STXBP5L: variants seen among roughly 807,000 people sequenced by gnomAD.
STXBP5L encodes syntaxin binding protein 5L.
Under a neutral mutation model 144.5 loss-of-function variants are expected in STXBP5L, and 65 were observed. The ratio of observed to expected loss-of-function variants is 0.45; its 90% CI spans 0.37 to 0.55. The LOEUF is 0.55. Among genes scored for constraint, STXBP5L ranks in the 20% least tolerant of loss-of-function variants. The pLI is 0.00. For synonymous variants in STXBP5L, 505 were observed against 469.6 expected, an observed-to-expected ratio of 1.08 and a Z score of -0.97; for missense variants, 1,298 against 1,405.5, an observed-to-expected ratio of 0.92 and a Z score of 1.22.
At chr3:121,182,798 A>G (rs1439657801) in intron 9 of STXBP5L, among the ~76,000 whole-genome samples, 3 of 152,244 alleles carry the variant, frequency 2.0e-5, no homozygotes, top group Non-Finnish European at 2.9e-5. Context: ...AAGCTGAATT[A>G]GAAATGAAAG....
At chr3:121,368,418 C>T (rs927462457) in intron 20 of STXBP5L, among the ~76,000 whole-genome samples, 3 of 151,882 alleles carry the variant, frequency 2.0e-5, no homozygotes, top group African/African-American at 7.3e-5. Flanking sequence ...GTTCTTTAAG[C>T]ATCATTAAGA....
intron 9 of STXBP5L, among the ~76,000 whole-genome samples, chr3:121,193,174 C>T (rs570618858): frequency 7.0e-6 from 1 of 142,934 alleles, no homozygotes; most frequent in Admixed American, 6.9e-5. Flanking sequence ...TATGAACAGA[C>T]ACTTCTCAAA....
chr3:121,359,435 T>C (rs1267818988), intron 20 of STXBP5L, among the ~76,000 whole-genome samples: 1 of 152,162 alleles, frequency 6.6e-6, no homozygotes, highest in Non-Finnish European at 1.5e-5. Context: ...TTGTATCCTT[T>C]GCTGTGCTGA....
intron 5 of STXBP5L, among the ~76,000 whole-genome samples, chr3:121,080,179 A>G (rs2042191277): frequency 6.6e-6 from 1 of 152,102 alleles, no homozygotes; most frequent in South Asian, 2.1e-4. Context: ...GGCATGGAAC[A>G]TGTTTCCAGC....
intron 3 of STXBP5L, among the ~76,000 whole-genome samples, chr3:120,979,267 C>G (rs1429617409): frequency 1.3e-5 from 2 of 152,224 alleles, no homozygotes; most frequent in African/African-American, 4.8e-5. Context: ...GCCCCTCCCC[C>G]AGCCTCACTG....
chr3:121,156,738 T>C (rs969149828), intron 8 of STXBP5L, among the ~76,000 whole-genome samples: 5 of 151,744 alleles, frequency 3.3e-5, no homozygotes, highest in African/African-American at 1.2e-4. Context: ...TTTAAAACAA[T>C]ATAATAATTT....
intron 5 of STXBP5L, among the ~76,000 whole-genome samples, chr3:121,102,262 T>C (rs1439368900): frequency 6.6e-6 from 1 of 152,126 alleles, no homozygotes; most frequent in Non-Finnish European, 1.5e-5. Context: ...AAATCAGTCC[T>C]AAGCAAAAAG....
chr3:121,230,667 T>C (rs2049277241), intron 11 of STXBP5L, among the ~76,000 whole-genome samples: 1 of 152,124 alleles, frequency 6.6e-6, no homozygotes, highest in Non-Finnish European at 1.5e-5. Flanking sequence ...TTTGGTACCA[T>C]AGACAAATAC....
chr3:121,196,470 G>A (rs575428521), intron 9 of STXBP5L, among the ~76,000 whole-genome samples: 1 of 151,896 alleles, frequency 6.6e-6, no homozygotes, highest in Non-Finnish European at 1.5e-5. Context: ...AAAAACGGAG[G>A]TCTTTCCTTT....
In STXBP5L at chr3:121,131,976, A is replaced by G. The variant is rs548358906; in HGVS notation, c.669+10272A>G. 3.3e-5 allele frequency among the ~76,000 whole-genome samples: 5 copies of G among 152,276 alleles called. No individual in the cohort carries two copies. In the East Asian group the frequency reaches 9.7e-4, roughly 29 times the overall value. On this transcript the variant is annotated intron_variant, in intron 7 of 26. Transcript: ENST00000471454. ...AACCTTGCTCCTGGTGCAGTGCCATATGGTCAAGGAGAGATTTCCTAGGTT... is the reference window on the plus strand; with the variant it reads ...AACCTTGCTCCTGGTGCAGTGCCATGTGGTCAAGGAGAGATTTCCTAGGTT...
intron 22 of STXBP5L, among the ~76,000 whole-genome samples, chr3:121,391,909 C>T (rs2046597820): frequency 6.6e-6 from 1 of 152,184 alleles, no homozygotes; most frequent in African/African-American, 2.4e-5. Context: ...GCTCAAACAC[C>T]ATGCTGGGAG....
intron 20 of STXBP5L, among the ~76,000 whole-genome samples, chr3:121,347,004 GT>G: frequency 6.6e-6 from 1 of 152,310 alleles, no homozygotes; most frequent in African/African-American, 2.4e-5. Context: ...TGCTTTTGGT[GT>G]TTTAGACATG....
At chr3:121,151,505 AGGTCTCAGGATGCTCT>A (rs948415508) in intron 7 of STXBP5L, among the ~76,000 whole-genome samples, 1 of 152,132 alleles carries the variant, frequency 6.6e-6, no homozygotes, top group African/African-American at 2.4e-5. Context: ...ATAAGTGATA[AGGTCTCAGGATGCTCT>A]GCAGGCTTAG....
In STXBP5L at chr3:121,279,801, T is replaced by G; in HGVS notation, c.1959-4T>G. 6.2e-7 allele frequency: 1 copy of G among 1,611,774 alleles called. No individual in the cohort carries two copies. The highest frequency in any genetic ancestry group is 8.5e-7 in the Non-Finnish European group (1 of 1,178,416). ...ATTCTAGTTGTATTTTTTTTCTCTC[T>G]TAGAGTTGCATTTGGGAACTGCAAT... is the stretch of plus-strand genomic sequence containing the variant. On this transcript the variant is annotated splice_polypyrimidine_tract_variant and splice_region_variant and intron_variant, in intron 18 of 26. Transcript: ENST00000471454.
intron 3 of STXBP5L, among the ~76,000 whole-genome samples, chr3:121,002,941 G>C (rs528395552): frequency 7.9e-5 from 12 of 152,022 alleles, no homozygotes; most frequent in African/African-American, 2.7e-4. Context: ...ACATTTTCTT[G>C]ATCCAGTCTA....
chr3:120,975,935 A>T (rs1373379347), intron 3 of STXBP5L, among the ~76,000 whole-genome samples: 2 of 150,636 alleles, frequency 1.3e-5, no homozygotes, highest in African/African-American at 4.9e-5. Flanking sequence ...GTGCTGCTGG[A>T]TTCTGTTTGC....
intron 2 of STXBP5L, among the ~76,000 whole-genome samples, chr3:120,933,514 C>T (rs946529227): frequency 2.6e-5 from 4 of 151,874 alleles, no homozygotes; most frequent in Non-Finnish European, 5.9e-5. Context: ...ATATCTTTAA[C>T]AAATATATAT....
chr3:121,374,010 C>G (rs1418213719), intron 20 of STXBP5L, among the ~76,000 whole-genome samples: 2 of 152,212 alleles, frequency 1.3e-5, no homozygotes, highest in Admixed American at 6.5e-5. Flanking sequence ...ACTACCACCA[C>G]TGACACCTGC....
chr3:121,246,891 T>C (rs1018623690), intron 14 of STXBP5L, among the ~76,000 whole-genome samples: 21 of 152,166 alleles, frequency 1.4e-4, no homozygotes, highest in South Asian at 2.1e-4. Context: ...AGAATCTATA[T>C]AAGCAGAAAG....
Sources: allele counts gnomAD v4.1 joint callset (sites outside exome capture counted in the v4.1 genomes callset), GRCh38; gene constraint gnomAD v4.1.1; transcripts MANE v1.5; gene names NCBI Gene and HGNC (gene_info 2026-07-23, HGNC 2026-07-21).